KDM4B: variants seen among roughly 807,000 people sequenced by gnomAD.
KDM4B encodes lysine demethylase 4B.
A neutral mutation model predicts 125.2 loss-of-function variants in KDM4B; 32 were observed. The observed-to-expected ratio is 0.26, with a 90% confidence interval of 0.19 to 0.34. KDM4B has a LOEUF of 0.34. Among genes scored for constraint, KDM4B ranks in the 10% least tolerant of loss-of-function variants. The pLI is 1.00. For missense variants in KDM4B, 1,190 were observed against 1,577.7 expected (o/e 0.75, Z 4.16); for synonymous variants, 721 against 677.9 (o/e 1.06, Z -0.99).
chr19:5,042,985 C>T (rs1394564794), intron 5 of KDM4B, among the ~76,000 whole-genome samples: 2 of 146,280 alleles, frequency 1.4e-5, no homozygotes, highest in Non-Finnish European at 3.0e-5. Context: ...TAACTGTGAC[C>T]GGTCACATGA....
intron 10 of KDM4B, among the ~76,000 whole-genome samples, chr19:5,116,015 C>T (rs978703275): frequency 6.6e-6 from 1 of 151,962 alleles, no homozygotes; most frequent in African/African-American, 2.4e-5. Flanking sequence ...TGGAAATTAC[C>T]CAAACCACAA....
intron 9 of KDM4B, among the ~76,000 whole-genome samples, chr19:5,101,122 T>A (rs1229575606): frequency 1.3e-5 from 2 of 150,124 alleles, no homozygotes; most frequent in African/African-American, 4.9e-5. Flanking sequence ...CTGGGGAGGC[T>A]GAGGTAGGAG....
intron 2 of KDM4B, among the ~76,000 whole-genome samples, chr19:5,025,028 T>A (rs2036235519): frequency 6.6e-6 from 1 of 152,246 alleles, no homozygotes; most frequent in Non-Finnish European, 1.5e-5. Context: ...TGTCATTCAG[T>A]GGTGTGTAGT....
intron 6 of KDM4B, among the ~76,000 whole-genome samples, chr19:5,048,736 C>A (rs1057344442): frequency 4.6e-5 from 7 of 152,250 alleles, no homozygotes; most frequent in African/African-American, 1.7e-4. Flanking sequence ...GTAGAGGACC[C>A]CGTGTGACTT....
At chr19:5,064,461 G>A (rs566526356) in intron 6 of KDM4B, among the ~76,000 whole-genome samples, 4 of 152,022 alleles carry the variant, frequency 2.6e-5, no homozygotes, top group Non-Finnish European at 5.9e-5. Flanking sequence ...ATTCCTCGGC[G>A]GCGGGGGTGG....
chr19:5,070,171 C>A (rs1479248252), intron 6 of KDM4B, among the ~76,000 whole-genome samples: 3 of 152,142 alleles, frequency 2.0e-5, no homozygotes, highest in Non-Finnish European at 4.4e-5. Context: ...TCCCTGAGGC[C>A]CTGTCCTCGT....
At chr19:4,980,531 C>T (rs2034601730) in intron 1 of KDM4B, among the ~76,000 whole-genome samples, 1 of 148,490 alleles carries the variant, frequency 6.7e-6, no homozygotes, top group Non-Finnish European at 1.5e-5. Context: ...TCAAGTGATT[C>T]TCCTGCCTCA....
At chr19:5,003,435 C>T (rs947951780) in intron 1 of KDM4B, among the ~76,000 whole-genome samples, 3 of 151,104 alleles carry the variant, frequency 2.0e-5, no homozygotes, top group African/African-American at 4.9e-5. Context: ...GAGCCAAGAT[C>T]GTGCCATTGC....
At chr19:5,073,018 G>C (rs12461939) in intron 7 of KDM4B, among the ~76,000 whole-genome samples, 14,107 of 152,292 alleles carry the variant, frequency 0.093, 878 homozygotes, top group Admixed American at 0.15. Flanking sequence ...GTAACCAACA[G>C]TCCCTCTGCC....
intron 2 of KDM4B, among the ~76,000 whole-genome samples, chr19:5,030,282 G>T (rs912582350): frequency 6.6e-6 from 1 of 152,106 alleles, no homozygotes; most frequent in Non-Finnish European, 1.5e-5. Context: ...CTTTCCTGTC[G>T]TACAGAGCAC....
At chr19:5,031,434 C>G (rs1386464276) in intron 2 of KDM4B, among the ~76,000 whole-genome samples, 1 of 152,262 alleles carries the variant, frequency 6.6e-6, no homozygotes, top group Non-Finnish European at 1.5e-5. Context: ...TGTGCAGACA[C>G]TGGCTTTGCG....
intron 4 of KDM4B, among the ~76,000 whole-genome samples, 171 bp from the exon 5 acceptor site, chr19:5,040,966 C>T (rs778000788): frequency 1.3e-5 from 2 of 152,322 alleles, no homozygotes; most frequent in Admixed American, 6.5e-5. Context: ...CGTGGAAGTG[C>T]GCTGTCCCAC....
At chr19:5,051,447 C>T (rs778763022) in intron 6 of KDM4B, among the ~76,000 whole-genome samples, 8 of 152,252 alleles carry the variant, frequency 5.3e-5, no homozygotes, top group Non-Finnish European at 7.3e-5. Context: ...TGTGGGCCAC[C>T]GCCAAGAGCA....
At position 5,081,766 on chromosome 19, in the gene KDM4B, C is replaced by T. The variant is rs1287886252; in HGVS notation, c.781-601C>T. On this transcript the variant is annotated intron_variant, in intron 8 of 22. Transcript: ENST00000159111. This position sits in a 1 kb window ranked among gnomAD's most constrained non-coding sequence, Gnocchi z 4.2. ...ACAATTGAAAGATGGCTTGGGATGG[C>T]GGCGTGTCGCAGGCCCCTTCCTGGC... Among the ~76,000 whole-genome samples the T allele has an allele frequency of 4.6e-5, 7 of 152,280 alleles. No homozygotes were observed. The highest frequency in any genetic ancestry group is 2.1e-4 in the South Asian group (1 of 4,824).
chr19:5,001,631 A>G (rs1314076459), intron 1 of KDM4B, among the ~76,000 whole-genome samples: 1 of 151,480 alleles, frequency 6.6e-6, no homozygotes, highest in African/African-American at 2.5e-5. Flanking sequence ...TCAGAAGTGC[A>G]GACATATTTT....
chr19:5,083,418 T>C (rs2038367033), intron 9 of KDM4B, among the ~76,000 whole-genome samples: 1 of 152,056 alleles, frequency 6.6e-6, no homozygotes, highest in African/African-American at 2.4e-5. Flanking sequence ...AAGGGGAGTG[T>C]GGGACCCGGG....
Position 5,066,086 on chromosome 19 carries a change from CAT to C in KDM4B, c.627-4923_627-4922del, listed in dbSNP as rs544982452. 1.2e-3 allele frequency among the ~76,000 whole-genome samples: 187 copies of C among 152,358 alleles called. 1 individual carries two copies. Among genetic ancestry groups the C allele is most frequent in the African/African-American group, 4.0e-3 (165 of 41,580 alleles). The stretch of plus-strand genomic sequence containing the variant: ...AGTGTCTCTGGACACCAGTCAGACT[CAT>C]GTGTGTCAGGCCGCGGGGCTCAGCC... On this transcript the variant is annotated intron_variant, in intron 6 of 22. Transcript: ENST00000159111.
Position 5,141,293 on chromosome 19 carries a change from G to C in KDM4B, c.2551-2674G>C, listed in dbSNP as rs2039738306. ...GCACGGCCAGGCGATTAGGAAGCCG[G>C]CAGCCCGCGGGTGATGCTTCCGAGG... On this transcript the variant is annotated intron_variant, in intron 18 of 22. Transcript: ENST00000159111. The surrounding 1 kb of genome is among the most constrained non-coding windows in gnomAD (Gnocchi z 6.4). The C allele has an allele frequency of 6.6e-6, 1 of 152,130 alleles. No individual in the cohort carries two copies. The highest frequency in any genetic ancestry group is 2.4e-5 in the African/African-American group (1 of 41,428). The allele number at this position is 152,130 out of a possible 1,614,324, so 9.4% of individuals were successfully genotyped here. A position where few individuals can be genotyped will look rare whatever the true frequency, so the allele number is the denominator to read the frequency against.
chr19:5,058,985 G>A (rs2037497359), intron 6 of KDM4B, among the ~76,000 whole-genome samples: 1 of 152,246 alleles, frequency 6.6e-6, no homozygotes, highest in Non-Finnish European at 1.5e-5. Context: ...CCGCCAGGCG[G>A]TGTTTGGATG....
Sources: gnomAD v4.1 joint callset for allele counts (sites outside exome capture counted in the v4.1 genomes callset) on GRCh38, gnomAD v4.1.1 for gene constraint, Gnocchi (gnomAD v3.1) non-coding constraint, MANE v1.5 for transcripts, NCBI Gene and HGNC (gene_info 2026-07-23, HGNC 2026-07-21) for gene names.